The following KIAA1217 variants were observed in gnomAD, a reference collection of about 807,000 sequenced individuals.
KIAA1217 encodes KIAA1217, also known as sickle tail protein homolog.
In KIAA1217, 88 loss-of-function variants were observed where a neutral mutation model predicts 163.9. The ratio of observed to expected loss-of-function variants is 0.54; its 90% CI spans 0.45 to 0.64. KIAA1217 has a LOEUF of 0.64. Among genes scored for constraint, KIAA1217 ranks in the 30% least tolerant of loss-of-function variants. The probability of loss-of-function intolerance (pLI) is 0.00; values close to 1 mark genes in which losing one functional copy is unlikely to be tolerated. For synonymous variants in KIAA1217, 903 were observed against 923.1 expected (o/e 0.98, Z 0.39); for missense variants, 2,372 against 2,475.0 (o/e 0.96, Z 0.88).
chr10:24,407,431 C>A (rs1482752293), intron 3 of KIAA1217, among the ~76,000 whole-genome samples: 1 of 152,070 alleles, frequency 6.6e-6, no homozygotes, highest in East Asian at 1.9e-4. Context: ...GTAGCTGGGA[C>A]CAGAGATTCA....
intron 1 of KIAA1217, among the ~76,000 whole-genome samples, chr10:23,785,590 CT>C (rs1835458823): frequency 6.6e-6 from 1 of 152,128 alleles, no homozygotes; most frequent in South Asian, 2.1e-4. Flanking sequence ...AAATACCTCA[CT>C]TTTAACTCCC....
chr10:23,970,269 A>T (rs1434433068), intron 1 of KIAA1217, among the ~76,000 whole-genome samples: 2 of 152,226 alleles, frequency 1.3e-5, no homozygotes, highest in Non-Finnish European at 2.9e-5. Context: ...TAGCTCTTAC[A>T]TTTAGTTCTA....
chr10:24,083,911 C>T (rs1452770726), intron 2 of KIAA1217, among the ~76,000 whole-genome samples: 3 of 152,042 alleles, frequency 2.0e-5, no homozygotes, highest in Middle Eastern at 3.2e-3. Flanking sequence ...CCTTTGAGGG[C>T]CTGTCGCATT....
chr10:23,787,107 G>T (rs1165606731), intron 1 of KIAA1217, among the ~76,000 whole-genome samples: 1 of 152,034 alleles, frequency 6.6e-6, no homozygotes, highest in Non-Finnish European at 1.5e-5. Flanking sequence ...GTAAAAATGC[G>T]AGTTTAATAC....
At chr10:24,072,429 GAGA>G (rs1395485660) in intron 2 of KIAA1217, among the ~76,000 whole-genome samples, 1 of 152,168 alleles carries the variant, frequency 6.6e-6, no homozygotes, top group East Asian at 1.9e-4. Context: ...CAAAAAATTA[GAGA>G]AGAAGAAATA....
intron 2 of KIAA1217, among the ~76,000 whole-genome samples, chr10:24,045,472 G>A (rs1848940239): frequency 6.6e-6 from 1 of 151,860 alleles, no homozygotes; most frequent in Admixed American, 6.6e-5. Flanking sequence ...GGACCTCCTA[G>A]GAGTTGGCTC....
intron 2 of KIAA1217, among the ~76,000 whole-genome samples, chr10:24,264,548 C>G (rs2131801454): frequency 6.6e-6 from 1 of 152,170 alleles, no homozygotes; most frequent in Non-Finnish European, 1.5e-5. Context: ...ACAGAACATT[C>G]CAGGAAACCA....
intron 1 of KIAA1217, among the ~76,000 whole-genome samples, chr10:23,889,261 C>T (rs1042910455): frequency 6.6e-6 from 1 of 151,838 alleles, no homozygotes; most frequent in African/African-American, 2.4e-5. Flanking sequence ...GACCATTTTA[C>T]GCTCCTACCT....
At chr10:24,162,262 CTG>C (rs766113022) in intron 2 of KIAA1217, among the ~76,000 whole-genome samples, 7 of 152,340 alleles carry the variant, frequency 4.6e-5, no homozygotes, top group East Asian at 1.9e-4. Flanking sequence ...CAGCAGGAGA[CTG>C]TGCATGTTTA....
At chr10:23,828,876 C>G (rs1439664568) in intron 1 of KIAA1217, among the ~76,000 whole-genome samples, 1 of 152,128 alleles carries the variant, frequency 6.6e-6, no homozygotes, top group African/African-American at 2.4e-5. Context: ...TTTTCTCTGC[C>G]TTTTTGTTAA....
chr10:23,782,645 CTGG>C (rs1835310661), intron 1 of KIAA1217, among the ~76,000 whole-genome samples: 1 of 152,248 alleles, frequency 6.6e-6, no homozygotes, highest in East Asian at 1.9e-4. Context: ...GTTGGCCAGG[CTGG>C]TCTGGAACTC....
chr10:24,386,048 A>C (rs2053964188), intron 3 of KIAA1217, among the ~76,000 whole-genome samples: 1 of 152,198 alleles, frequency 6.6e-6, no homozygotes, highest in Non-Finnish European at 1.5e-5. Context: ...TTTGAAAATA[A>C]GACTCATGTG....
chr10:23,832,289 A>C (rs1194883514), intron 1 of KIAA1217, among the ~76,000 whole-genome samples: 1 of 152,230 alleles, frequency 6.6e-6, no homozygotes, highest in Non-Finnish European at 1.5e-5. Context: ...TAAAAGATGC[A>C]GATACCTCAG....
intron 6 of KIAA1217, among the ~76,000 whole-genome samples, chr10:24,491,057 C>G (rs907866119): frequency 1.3e-5 from 2 of 152,140 alleles, no homozygotes; most frequent in African/African-American, 4.8e-5. Context: ...AGTTGTCTCT[C>G]TCTGCACCCT....
At chr10:24,378,067 G>T (rs982920553) in intron 2 of KIAA1217, among the ~76,000 whole-genome samples, 1 of 152,060 alleles carries the variant, frequency 6.6e-6, no homozygotes. Flanking sequence ...ATACAGATTC[G>T]CTTTATTTTT....
At position 24,544,209 on chromosome 10, in the gene KIAA1217, G is replaced by T; in HGVS notation, c.4939G>T (p.Glu1647Ter). The T allele has an allele frequency of 6.2e-7, 1 of 1,614,056 alleles. No homozygotes were observed. Among genetic ancestry groups the T allele is most frequent in the Non-Finnish European group, 8.5e-7 (1 of 1,180,014 alleles). ...GAGGAGGCAAGAGCAGCCCAGCATC[G>T]AGAGTACATCTCCGATTTCAAGAAC... is the stretch of plus-strand genomic sequence containing the variant. ...TVRRQEQPSI[E>*]STSPISRTDE... Residue 1647 changes from glutamate to a stop codon, truncating the protein, a stop_gained, in exon 19 of 21, where the codon GAG (glutamate) becomes TAG (stop). Coordinates refer to ENST00000376454, the MANE Select transcript of KIAA1217 (RefSeq NM_019590.5). LOFTEE classifies it high-confidence loss of function.
At chr10:24,396,243 A>G (rs2055730536) in intron 3 of KIAA1217, among the ~76,000 whole-genome samples, 1 of 152,248 alleles carries the variant, frequency 6.6e-6, no homozygotes, top group Admixed American at 6.5e-5. Context: ...AGGCTGTGGC[A>G]GGAGAATCAC....
At chr10:24,449,725 A>G in intron 5 of KIAA1217, 1 of 985,392 alleles carries the variant, frequency 1.0e-6, no homozygotes, top group Non-Finnish European at 1.2e-6. Flanking sequence ...CAAGTCTAGA[A>G]AGTTTCTTCT....
chr10:24,273,928 C>T (rs1208016960), intron 2 of KIAA1217, among the ~76,000 whole-genome samples: 1 of 151,700 alleles, frequency 6.6e-6, no homozygotes, highest in Non-Finnish European at 1.5e-5. Context: ...GCAATATTCC[C>T]AAATATAAAA....
Sources: allele counts gnomAD v4.1 joint callset (sites outside exome capture counted in the v4.1 genomes callset), GRCh38; gene constraint gnomAD v4.1.1; transcripts MANE v1.5; gene names NCBI Gene and HGNC (gene_info 2026-07-23, HGNC 2026-07-21).